The following MKLN1 variants were observed in gnomAD, a reference collection of about 807,000 sequenced individuals.
The protein encoded by MKLN1 is muskelin.
MKLN1 carries 18 observed loss-of-function variants against 99.0 expected under a neutral mutation model. That is an observed-to-expected ratio of 0.18 (90% CI 0.13 to 0.27). MKLN1 has a LOEUF of 0.27. Among genes scored for constraint, MKLN1 ranks in the 10% least tolerant of loss-of-function variants. The probability of loss-of-function intolerance (pLI) is 1.00; values close to 1 mark genes in which losing one functional copy is unlikely to be tolerated. For missense variants in MKLN1, 621 were observed against 875.9 expected (o/e 0.71, Z 3.67); for synonymous variants, 288 against 293.2 (o/e 0.98, Z 0.18).
intron 3 of MKLN1, among the ~76,000 whole-genome samples, chr7:131,283,352 CCTTCCTTCCTTCCTT>C (rs1798085278): frequency 1.6e-4 from 6 of 37,932 alleles, no homozygotes; most frequent in Non-Finnish European, 3.0e-4. Flanking sequence ...TCCCCTCCTT[CCTTCCTTCCTTCCTT>C]CCTTCCTTCC....
rs535905814 is a variant in MKLN1 at position 131,117,508 on chromosome 7, T to C, written c.-419+7301T>C. 9.2e-5 allele frequency among the ~76,000 whole-genome samples: 14 copies of C among 152,202 alleles called. No homozygotes were observed. The East Asian group carries it at 2.7e-3, about 29-fold the overall frequency. ...AAAAAACAGGTGAAAGATAGGCAGC[T>C]GTTAAAAGTTTGAGACAATTCTAGG... On this transcript the variant is annotated intron_variant, in intron 1 of 7. Transcript: ENST00000416992.
rs558790974 is a variant in MKLN1, at chr7:131,458,043, G to A, written c.1526-5174G>A. Among the ~76,000 whole-genome samples, 7 of 152,316 alleles carry A rather than the reference G, an allele frequency of 4.6e-5. No individual in the cohort carries two copies. In the South Asian group the frequency reaches 1.4e-3, roughly 32 times the overall value. ...TACCAAATAGAACAAATAAGGGAAAGCGTTATACCTAAGCAGATTAAAGTA... is the reference window on the plus strand; with the variant it reads ...TACCAAATAGAACAAATAAGGGAAAACGTTATACCTAAGCAGATTAAAGTA... On this transcript the variant is annotated intron_variant, in intron 12 of 17. Coordinates refer to ENST00000352689, the MANE Select transcript of MKLN1 (RefSeq NM_013255.5).
At chr7:131,453,048 G>T (rs1218802114) in intron 12 of MKLN1, among the ~76,000 whole-genome samples, 1 of 152,190 alleles carries the variant, frequency 6.6e-6, no homozygotes, top group East Asian at 1.9e-4. Context: ...TTCAAACAGA[G>T]TATCTACTTT....
chr7:131,382,477 T>G (rs1793882900), intron 2 of MKLN1, among the ~76,000 whole-genome samples: 2 of 152,230 alleles, frequency 1.3e-5, no homozygotes, highest in African/African-American at 4.8e-5. Context: ...TCTTGACTGT[T>G]TTCTGGTGAA....
At chr7:131,143,884 C>A (rs1441190406) in intron 2 of MKLN1, among the ~76,000 whole-genome samples, 1 of 151,986 alleles carries the variant, frequency 6.6e-6, no homozygotes, top group Non-Finnish European at 1.5e-5. Context: ...GACTTGCTGC[C>A]CACTCTGGGC....
In MKLN1 at chr7:131,311,354, T is replaced by C. The variant is rs530509177; in HGVS notation, c.-178-64070T>C. On this transcript the variant is annotated intron_variant, in intron 3 of 7. Coordinates refer to the MKLN1 transcript ENST00000416992. The stretch of plus-strand genomic sequence containing the variant: ...TTAAAGATGCAATTGACAAGGAAAT[T>C]TGGTTATTCCTGTGGTTTACAACAG... The C allele has an allele frequency of 3.3e-5, 5 of 152,268 alleles. No homozygotes were observed. The East Asian group carries it at 5.8e-4, about 18-fold the overall frequency. 9.4% of individuals were successfully genotyped at this position (152,268 alleles called of 1,614,324 possible). A position where few individuals can be genotyped will look rare whatever the true frequency, so the allele number is the denominator to read the frequency against.
intron 1 of MKLN1, among the ~76,000 whole-genome samples, chr7:131,373,329 G>A (rs1793528346): frequency 6.6e-6 from 1 of 151,804 alleles, no homozygotes; most frequent in African/African-American, 2.4e-5. Context: ...TTCATATGGG[G>A]TATTTATATT....
chr7:131,314,612 C>T (rs978469815), intron 3 of MKLN1, among the ~76,000 whole-genome samples: 4 of 151,710 alleles, frequency 2.6e-5, no homozygotes, highest in South Asian at 2.1e-4. Flanking sequence ...TTAGTAGAGA[C>T]GGGGTTTCAC....
At chr7:131,437,142 G>T (rs1180218847) in intron 9 of MKLN1, among the ~76,000 whole-genome samples, 2 of 151,806 alleles carry the variant, frequency 1.3e-5, no homozygotes, top group Non-Finnish European at 2.9e-5. Context: ...TGATAGATAG[G>T]TATACATGTG....
intron 6 of MKLN1, 50 bp downstream of exon 6, chr7:131,399,483 AC>A: frequency 6.7e-7 from 1 of 1,482,064 alleles, no homozygotes; most frequent in Non-Finnish European, 9.2e-7. Context: ...CATACGGGAA[AC>A]TTTTTCTCAA....
chr7:131,366,582 G>A (rs777099694), intron 1 of MKLN1, among the ~76,000 whole-genome samples: 16 of 152,048 alleles, frequency 1.1e-4, no homozygotes, highest in Non-Finnish European at 1.8e-4. Flanking sequence ...AGGCTGAGGC[G>A]GCAAGATCAC....
intron 2 of MKLN1, among the ~76,000 whole-genome samples, chr7:131,381,865 A>C (rs1185669047): frequency 6.6e-6 from 1 of 152,192 alleles, no homozygotes; most frequent in African/African-American, 2.4e-5. Flanking sequence ...TCAAATACTA[A>C]TTTAAACATG....
intron 8 of MKLN1, among the ~76,000 whole-genome samples, chr7:131,423,389 A>G (rs549935003): frequency 3.3e-5 from 5 of 152,090 alleles, no homozygotes; most frequent in South Asian, 4.2e-4. Flanking sequence ...CTGGAGTGCA[A>G]TGGCACAGTC....
At chr7:131,168,723 G>A (rs1053590957) in intron 2 of MKLN1, among the ~76,000 whole-genome samples, 44 of 148,010 alleles carry the variant, frequency 3.0e-4, no homozygotes, top group African/African-American at 1.0e-3. Flanking sequence ...TTTTCTTTAT[G>A]TATATTACCT....
At chr7:131,308,001 C>T (rs1247823101) in intron 3 of MKLN1, among the ~76,000 whole-genome samples, 2 of 152,124 alleles carry the variant, frequency 1.3e-5, no homozygotes, top group Non-Finnish European at 2.9e-5. Flanking sequence ...AAGGGAGGGA[C>T]CTGCTGGGAG....
intron 3 of MKLN1, among the ~76,000 whole-genome samples, chr7:131,253,850 G>T (rs1156920577): frequency 6.6e-6 from 1 of 152,228 alleles, no homozygotes; most frequent in African/African-American, 2.4e-5. Flanking sequence ...GTAGCTCAAT[G>T]TGCGCAACAA....
intron 1 of MKLN1, among the ~76,000 whole-genome samples, chr7:131,342,490 C>T (rs556700647): frequency 2.4e-4 from 37 of 152,178 alleles, no homozygotes; most frequent in African/African-American, 8.9e-4. Flanking sequence ...AAATTTATAT[C>T]GTTTGTTTAT....
intron 1 of MKLN1, among the ~76,000 whole-genome samples, chr7:131,115,983 G>C (rs1795271402): frequency 6.6e-6 from 1 of 152,098 alleles, no homozygotes; most frequent in Non-Finnish European, 1.5e-5. Flanking sequence ...ACCTTGTGAA[G>C]ATTACTGGCA....
chr7:131,377,809 A>G (rs1793708879), intron 2 of MKLN1, among the ~76,000 whole-genome samples: 1 of 152,298 alleles, frequency 6.6e-6, no homozygotes, highest in East Asian at 1.9e-4. Context: ...TCTCCTCTTG[A>G]TGAGCGACGG....
Sources: allele counts gnomAD v4.1 joint callset (sites outside exome capture counted in the v4.1 genomes callset), GRCh38; gene constraint gnomAD v4.1.1; transcripts MANE v1.5; gene names NCBI Gene and HGNC (gene_info 2026-07-23, HGNC 2026-07-21).